SHROOM2: variants seen among roughly 807,000 people sequenced by gnomAD.
SHROOM2 encodes protein Shroom2.
In SHROOM2, 33 loss-of-function variants were observed where a neutral mutation model predicts 75.9. That is an observed-to-expected ratio of 0.43 (90% CI 0.33 to 0.58). The LOEUF (loss-of-function observed/expected upper bound fraction) is 0.58. Ranked by LOEUF, SHROOM2 falls within the 20% of genes least tolerant of loss-of-function variation. The pLI, the probability that SHROOM2 is intolerant of heterozygous loss-of-function variation, is 0.04. For missense variants in SHROOM2, 1,434 were observed against 1,461.2 expected, an observed-to-expected ratio of 0.98 and a Z score of 0.30; for synonymous variants, 655 against 663.6, an observed-to-expected ratio of 0.99 and a Z score of 0.20.
intron 1 of SHROOM2, among the ~76,000 whole-genome samples, chrX:9,870,223 C>T (rs891925126): frequency 3.6e-5 from 4 of 111,848 alleles, no homozygotes; most frequent in Non-Finnish European, 5.6e-5. Context: ...GTGACCCTGT[C>T]TCCAAAAACA....
chrX:9,795,730 C>CTT (rs1470002651), intron 1 of SHROOM2, among the ~76,000 whole-genome samples: 105 of 103,040 alleles, frequency 1.0e-3, no homozygotes, highest in African/African-American at 1.3e-3. Context: ...GTATCTTTCT[C>CTT]TTTTTTTTTT....
At chrX:9,810,385 A>G (rs1450097878) in intron 1 of SHROOM2, among the ~76,000 whole-genome samples, 1 of 111,358 alleles carries the variant, frequency 9.0e-6, no homozygotes, top group African/African-American at 3.3e-5. Flanking sequence ...TATTGCATGC[A>G]TACTCTTCCC....
rs2083614746 is a variant in SHROOM2 at position 9,786,640 on chromosome X, G to A, written c.95G>A (p.Ser32Asn). 1 of 884,364 alleles carries A rather than the reference G, an allele frequency of 1.1e-6. No individual in the cohort carries two copies. The highest frequency in any genetic ancestry group is 6.5e-5 in the Admixed American group (1 of 15,400). 72.9% of individuals were successfully genotyped at this position (884,364 alleles called of 1,213,427 possible). Residue 32 changes from serine (S) to asparagine (N), a missense_variant, in exon 1 of 10, where the codon AGC (serine) becomes AAC (asparagine). By Grantham distance (46) the Ser-to-Asn change is conservative (BLOSUM62 1). Around this residue, in one of 3 missense-constraint regions of SHROOM2, gnomAD observed 1,340 missense variants for 1,338.3 expected, o/e 1.00. Transcript: ENST00000380913. ...DGGRLVEVQLSGGAPWGFTLK... is the reference protein window; with the variant it reads ...DGGRLVEVQLNGGAPWGFTLK... ...GGGCGCCTGGTGGAGGTGCAGCTGA[G>A]CGGCGGCGCCCCGTGGGGCTTCACC... is the stretch of plus-strand genomic sequence containing the variant.
chrX:9,797,993 T>G (rs961053285), intron 1 of SHROOM2, among the ~76,000 whole-genome samples: 2 of 111,784 alleles, frequency 1.8e-5, no homozygotes, highest in African/African-American at 6.5e-5. Flanking sequence ...TATGGCAGAC[T>G]TTTTTCCCCC....
intron 1 of SHROOM2, among the ~76,000 whole-genome samples, chrX:9,868,841 A>C (rs1345016438): frequency 9.9e-6 from 1 of 101,297 alleles, no homozygotes; most frequent in Non-Finnish European, 2.0e-5. Flanking sequence ...TGGCCTCCCA[A>C]AGTGGTGGGA....
intron 7 of SHROOM2, among the ~76,000 whole-genome samples, chrX:9,938,111 G>GC (rs34928627): frequency 7.1e-4 from 78 of 109,638 alleles, no homozygotes; most frequent in African/African-American, 2.3e-3. Flanking sequence ...GCACAGGAGG[G>GC]CCCCCCCCAC....
intron 4 of SHROOM2, 142 bp from the exon 5 acceptor site, chrX:9,898,048 G>A: frequency 1.9e-6 from 1 of 520,227 alleles, no homozygotes; most frequent in Non-Finnish European, 3.5e-6. Flanking sequence ...GTGGACGTGG[G>A]GTCTTATTTC....
In SHROOM2 at chrX:9,822,304, G is replaced by T. The variant is rs201011304; in HGVS notation, c.165+35594G>T. The stretch of plus-strand genomic sequence containing the variant: ...GTGGCAGCCTGCAGGTTAGGGGAAG[G>T]GGGGAGGAGGCTGCAGTGGGGGAGG... On this transcript the variant is annotated intron_variant, in intron 1 of 9. Coordinates refer to ENST00000380913, the MANE Select transcript of SHROOM2 (RefSeq NM_001649.4). Among the ~76,000 whole-genome samples, 26 of 111,850 alleles carry T rather than the reference G, an allele frequency of 2.3e-4. 1 individual carries two copies. Among genetic ancestry groups the T allele is most frequent in the East Asian group, 1.4e-3 (5 of 3,537 alleles).
In SHROOM2 at chrX:9,898,239, G is replaced by T; in HGVS notation, c.2840G>T (p.Arg947Ile). The T allele has an allele frequency of 8.4e-7, 1 of 1,189,266 alleles. No individual in the cohort carries two copies. Residue 947 changes from arginine (R) to isoleucine (I), a missense_variant, in exon 5 of 10, where the codon AGA becomes ATA. Arg to Ile is a moderately conservative substitution (Grantham distance 97). Coordinates refer to ENST00000380913, the MANE Select transcript of SHROOM2 (RefSeq NM_001649.4). ...RRQAGDPGEPREELPSAVRAE... is the reference protein window; with the variant it reads ...RRQAGDPGEPIEELPSAVRAE... ...CAGGCAGGGGACCCCGGCGAGCCCA[G>T]AGAAGAGCTTCCCTCCGCAGTCCGG...
rs1465866471 is a variant in SHROOM2 at position 9,895,425 on chromosome X, G to A, written c.1517G>A (p.Ser506Asn). The A allele has an allele frequency of 2.5e-6, 3 of 1,209,104 alleles. No individual in the cohort carries two copies. Among genetic ancestry groups the A allele is most frequent in the East Asian group, 3.0e-5 (1 of 33,726 alleles). The change falls in exon 4 of 10, where the codon AGT becomes AAT. Residue 506 changes from serine (S) to asparagine (N), a missense_variant. This residue lies in a region of SHROOM2 where 1,340 missense variants were observed against 1,338.3 expected (regional missense o/e 1.00). Transcript: ENST00000380913. ...GACACAGCCCTTGGAGCCCTCGAGA[G>A]TCTTCCCCCACCCACGGTGGGCCAG... is the stretch of plus-strand genomic sequence containing the variant. ...PSDTALGALE[S>N]LPPPTVGQSP...
At chrX:9,840,584 T>C (rs1396581998) in intron 1 of SHROOM2, among the ~76,000 whole-genome samples, 1 of 112,443 alleles carries the variant, frequency 8.9e-6, no homozygotes, top group Non-Finnish European at 1.9e-5. Context: ...TTTTCACAGA[T>C]GCTAAATGAA....
intron 7 of SHROOM2, among the ~76,000 whole-genome samples, chrX:9,938,058 A>G (rs2084732755): frequency 2.7e-5 from 3 of 110,923 alleles, no homozygotes; most frequent in African/African-American, 9.8e-5. Flanking sequence ...TGTTCCAAGC[A>G]TCTGGTGGGT....
chrX:9,948,444 A>G lies in SHROOM2; in HGVS notation c.*1507A>G, dbSNP rs1312949770. 1 of 112,685 alleles carries G rather than the reference A, an allele frequency of 8.9e-6. No individual in the cohort carries two copies. Among genetic ancestry groups the G allele is most frequent in the Non-Finnish European group, 1.9e-5 (1 of 53,340 alleles). 9.3% of individuals were successfully genotyped at this position (112,685 alleles called of 1,213,427 possible). ...ATCATTTTAACCCTGACTTCCCCTTATTCCCATAAAAGAAGTTTTCCAGTG... is the reference window on the plus strand; with the variant it reads ...ATCATTTTAACCCTGACTTCCCCTTGTTCCCATAAAAGAAGTTTTCCAGTG... On this transcript the variant is annotated 3_prime_UTR_variant, in exon 10 of 10. Coordinates refer to ENST00000380913, the MANE Select transcript of SHROOM2 (RefSeq NM_001649.4).
chrX:9,818,839 A>C (rs2083836829), intron 1 of SHROOM2: 1 of 504,467 alleles, frequency 2.0e-6, no homozygotes, highest in Non-Finnish European at 3.6e-6. Context: ...ATCATCATGG[A>C]GTATCAGAAC....
chrX:9,844,406 A>C (rs1392800799), intron 1 of SHROOM2, among the ~76,000 whole-genome samples: 1 of 111,175 alleles, frequency 9.0e-6, no homozygotes, highest in Non-Finnish European at 1.9e-5. Flanking sequence ...CCTGCTTGGG[A>C]GGCTGAGGCA....
chrX:9,788,004 TGAGACAGG>T (rs2083625717), intron 1 of SHROOM2, among the ~76,000 whole-genome samples: 1 of 94,106 alleles, frequency 1.1e-5, no homozygotes, highest in African/African-American at 3.9e-5. Context: ...TTTTTTTTTT[TGAGACAGG>T]GTCTTGTTCT....
intron 5 of SHROOM2, among the ~76,000 whole-genome samples, chrX:9,910,749 G>A (rs1207429029): frequency 9.1e-6 from 1 of 110,316 alleles, no homozygotes; most frequent in African/African-American, 3.3e-5. Context: ...CCCAGGAGGC[G>A]GAGGTTGCAG....
intron 5 of SHROOM2, among the ~76,000 whole-genome samples, chrX:9,928,732 C>T (rs1214490365): frequency 9.0e-6 from 1 of 111,493 alleles, no homozygotes; most frequent in Non-Finnish European, 1.9e-5. Context: ...TGCATCTACA[C>T]ACATACACAA....
At chrX:9,815,432 T>TTGTG (rs1170879447) in intron 1 of SHROOM2, among the ~76,000 whole-genome samples, 2 of 48,382 alleles carry the variant, frequency 4.1e-5, no homozygotes, top group Non-Finnish European at 7.7e-5. Context: ...GATATACATA[T>TTGTG]TATGTGTGTG....
Sources: allele counts gnomAD v4.1 joint callset (sites outside exome capture counted in the v4.1 genomes callset), GRCh38; gene constraint gnomAD v4.1.1; regional missense constraint gnomAD v4.1.1; transcripts MANE v1.5; gene names NCBI Gene and HGNC (gene_info 2026-07-23, HGNC 2026-07-21).